USH2A: variants seen among roughly 807,000 people sequenced by gnomAD.
The protein encoded by USH2A is Usher syndrome 2A (autosomal recessive, mild).
USH2A carries 443 observed loss-of-function variants against 538.9 expected under a neutral mutation model. The ratio of observed to expected loss-of-function variants is 0.82; its 90% CI spans 0.76 to 0.89. The LOEUF (loss-of-function observed/expected upper bound fraction) is 0.89, where lower values mean the gene tolerates loss of function less well. Ranked by LOEUF, USH2A falls within the 40% of genes least tolerant of loss-of-function variation. The pLI, the probability that USH2A is intolerant of heterozygous loss-of-function variation, is 0.00. For missense variants in USH2A, 6,633 were observed against 6,324.8 expected, an observed-to-expected ratio of 1.05 and a Z score of -1.65; for synonymous variants, 2,413 against 2,273.5, an observed-to-expected ratio of 1.06 and a Z score of -1.75.
chr1:215,795,350 A>C (rs989991412), intron 50 of USH2A, among the ~76,000 whole-genome samples: 5 of 152,178 alleles, frequency 3.3e-5, no homozygotes, highest in Non-Finnish European at 4.4e-5. Context: ...TCTCCGTCTT[A>C]AGAATATGCA....
chr1:216,232,234 C>A, intron 13 of USH2A, 98 bp from the exon 14 acceptor site: 1 of 1,320,760 alleles, frequency 7.6e-7, no homozygotes, highest in Non-Finnish European at 1.0e-6. Context: ...AATACTCTAC[C>A]AAGGCACTAA....
intron 11 of USH2A, among the ~76,000 whole-genome samples, chr1:216,279,822 A>C (rs907126708): frequency 2.0e-5 from 3 of 152,082 alleles, no homozygotes; most frequent in African/African-American, 7.2e-5. Context: ...TGCATTCTAC[A>C]TGAGTCAGGC....
At chr1:215,693,835 GC>G (rs1445394253) in intron 61 of USH2A, among the ~76,000 whole-genome samples, 1 of 152,124 alleles carries the variant, frequency 6.6e-6, no homozygotes, top group Non-Finnish European at 1.5e-5. Context: ...CCCTGGCAGA[GC>G]CCCTGAAAGA....
At chr1:216,146,535 G>A (rs956041391) in intron 21 of USH2A, among the ~76,000 whole-genome samples, 5 of 152,046 alleles carry the variant, frequency 3.3e-5, no homozygotes, top group South Asian at 2.1e-4. Context: ...GCAGGGGCAA[G>A]TACCCCTCAA....
chr1:216,196,422 A>G (rs1208771221), intron 19 of USH2A, 131 bp downstream of exon 19: 73 of 922,380 alleles, frequency 7.9e-5, no homozygotes, highest in Non-Finnish European at 1.1e-4. Context: ...ACATAATATT[A>G]TATTAAGAAA....
chr1:215,853,380 T>G (rs775241046), intron 44 of USH2A, among the ~76,000 whole-genome samples: 2 of 152,136 alleles, frequency 1.3e-5, no homozygotes, highest in African/African-American at 2.4e-5. Context: ...TTGATACCAC[T>G]TTTTCCTCCT....
At chr1:216,418,219 A>G (rs577843774) in intron 3 of USH2A, among the ~76,000 whole-genome samples, 9 of 152,322 alleles carry the variant, frequency 5.9e-5, no homozygotes, top group Non-Finnish European at 1.0e-4. Flanking sequence ...TAAACAAAAT[A>G]GAATATACGA....
intron 35 of USH2A, among the ~76,000 whole-genome samples, chr1:215,982,781 C>T (rs1334882462): frequency 2.6e-5 from 4 of 151,706 alleles, no homozygotes; most frequent in Admixed American, 6.6e-5. Flanking sequence ...TCAATCTAAG[C>T]GAAAGAACAG....
intron 32 of USH2A, among the ~76,000 whole-genome samples, chr1:216,035,484 A>G (rs1408567741): frequency 1.3e-5 from 2 of 152,122 alleles, no homozygotes; most frequent in African/African-American, 4.8e-5. Context: ...TCTTGCCAAT[A>G]TCTTGATCTG....
chr1:215,669,778 T>A (rs2102660108), intron 64 of USH2A, among the ~76,000 whole-genome samples: 1 of 152,356 alleles, frequency 6.6e-6, no homozygotes, highest in East Asian at 1.9e-4. Context: ...TAAATCTTAT[T>A]AATTCGGTAA....
intron 21 of USH2A, among the ~76,000 whole-genome samples, chr1:216,157,967 G>T (rs2033983455): frequency 6.6e-6 from 1 of 152,044 alleles, no homozygotes; most frequent in South Asian, 2.1e-4. Context: ...AAATGAAAAA[G>T]AAGAAATTTA....
Position 215,791,095 on chromosome 1 carries a change from C to T in USH2A, c.9959-813G>A, listed in dbSNP as rs190822067. Among the ~76,000 whole-genome samples, 161 of 152,234 alleles carry T rather than the reference C, an allele frequency of 1.1e-3. 2 individuals carry two copies. The highest frequency in any genetic ancestry group is 1.5e-3 in the Non-Finnish European group (102 of 68,026). On this transcript the variant is annotated intron_variant, in intron 50 of 71. Coordinates refer to ENST00000307340, the MANE Select transcript of USH2A (RefSeq NM_206933.4). Reference sequence around the variant, plus strand: ...AATTTAGTTTAATTACCTGCATTTGCATCATTTAGATATTGCCATCAAAGA... The same window carrying T: ...AATTTAGTTTAATTACCTGCATTTGTATCATTTAGATATTGCCATCAAAGA...
At chr1:215,804,790 A>C (rs1662446004) in intron 49 of USH2A, among the ~76,000 whole-genome samples, 1 of 152,146 alleles carries the variant, frequency 6.6e-6, no homozygotes. Flanking sequence ...CTGGGTACAT[A>C]CTCAAAGGAT....
Position 215,941,387 on chromosome 1 carries a change from G to A in USH2A, c.7121-6592C>T, listed in dbSNP as rs563661849. Reference sequence around the variant, plus strand: ...ACTGTGACTATTGTAAATTGTAGAAGTATGGTCTATTTTTACTAACCATAT... The same window carrying A: ...ACTGTGACTATTGTAAATTGTAGAAATATGGTCTATTTTTACTAACCATAT... On this transcript the variant is annotated intron_variant, in intron 37 of 71. Coordinates refer to ENST00000307340, the MANE Select transcript of USH2A (RefSeq NM_206933.4). Among the ~76,000 whole-genome samples, 25 of 152,226 alleles carry A rather than the reference G, an allele frequency of 1.6e-4. No homozygotes were observed. In the South Asian group the frequency reaches 4.8e-3, roughly 29 times the overall value.
intron 38 of USH2A, among the ~76,000 whole-genome samples, chr1:215,910,258 C>T (rs919946860): frequency 6.6e-6 from 1 of 151,870 alleles, no homozygotes; most frequent in Non-Finnish European, 1.5e-5. Flanking sequence ...ACATTTTTAA[C>T]TTAATTAGCT....
At chr1:216,114,707 G>T (rs1367269028) in intron 21 of USH2A, among the ~76,000 whole-genome samples, 1 of 151,918 alleles carries the variant, frequency 6.6e-6, no homozygotes, top group Non-Finnish European at 1.5e-5. Context: ...AAACCCTGAA[G>T]AAATGAAATT....
intron 3 of USH2A, among the ~76,000 whole-genome samples, chr1:216,388,294 G>A (rs531950822): frequency 2.7e-4 from 41 of 152,214 alleles, no homozygotes; most frequent in Admixed American, 2.2e-3. Flanking sequence ...TTGTTTTAAC[G>A]GCTGTCCTTC....
chr1:215,657,617 G>A (rs2102650234), intron 64 of USH2A, among the ~76,000 whole-genome samples: 2 of 152,262 alleles, frequency 1.3e-5, no homozygotes, highest in Middle Eastern at 3.4e-3. Context: ...CGTTTTCCAG[G>A]TTCCCTTCAT....
intron 2 of USH2A, among the ~76,000 whole-genome samples, chr1:216,421,647 A>G (rs999060577): frequency 3.3e-5 from 5 of 152,188 alleles, no homozygotes; most frequent in Non-Finnish European, 7.4e-5. Flanking sequence ...TGCCTTTGAT[A>G]AACTATTTTC....
Sources: allele counts gnomAD v4.1 joint callset (sites outside exome capture counted in the v4.1 genomes callset), GRCh38; gene constraint gnomAD v4.1.1; transcripts MANE v1.5; gene names NCBI Gene and HGNC (gene_info 2026-07-23, HGNC 2026-07-21).